TSPAN8: variants seen among roughly 807,000 people sequenced by gnomAD.
The protein encoded by TSPAN8 is tetraspanin-8.
A neutral mutation model predicts 32.8 loss-of-function variants in TSPAN8; 21 were observed. The ratio of observed to expected loss-of-function variants is 0.64; its 90% CI spans 0.45 to 0.92. TSPAN8 has a LOEUF of 0.92. Among genes scored for constraint, TSPAN8 ranks in the 40% least tolerant of loss-of-function variants. The pLI, the probability that TSPAN8 is intolerant of heterozygous loss-of-function variation, is 0.00. For synonymous variants in TSPAN8, 95 were observed against 94.6 expected (o/e 1.00, Z -0.03); for missense variants, 269 against 281.9 (o/e 0.95, Z 0.33).
chr12:71,134,043 T>G (rs541197102), intron 6 of TSPAN8, among the ~76,000 whole-genome samples: 12 of 152,220 alleles, frequency 7.9e-5, no homozygotes, highest in Non-Finnish European at 1.3e-4. Flanking sequence ...TAATAATAAA[T>G]GTGTAATAAA....
At chr12:71,149,926 G>A (rs1271967233) in intron 2 of TSPAN8, among the ~76,000 whole-genome samples, 1 of 152,194 alleles carries the variant, frequency 6.6e-6, no homozygotes, top group African/African-American at 2.4e-5. Flanking sequence ...TTCTTGCAGA[G>A]AGCCTATAAA....
intron 2 of TSPAN8, among the ~76,000 whole-genome samples, chr12:71,153,836 G>T (rs1315145606): frequency 6.6e-6 from 1 of 152,062 alleles, no homozygotes; most frequent in Non-Finnish European, 1.5e-5. Context: ...TATAATTGTT[G>T]CTCTCACTGA....
chr12:71,132,477 A>G (rs529333886), intron 7 of TSPAN8, among the ~76,000 whole-genome samples: 25 of 152,184 alleles, frequency 1.6e-4, no homozygotes, highest in Non-Finnish European at 3.1e-4. Context: ...TCTTTGACCT[A>G]TTAATATTGG....
intron 6 of TSPAN8, among the ~76,000 whole-genome samples, chr12:71,133,244 G>A (rs1228717715): frequency 6.6e-6 from 1 of 151,806 alleles, no homozygotes; most frequent in African/African-American, 2.4e-5. Context: ...GCACCACCAC[G>A]CCCAGCTAAT....
chr12:71,126,000 C>T (rs939421267), intron 8 of TSPAN8, among the ~76,000 whole-genome samples: 1 of 152,112 alleles, frequency 6.6e-6, no homozygotes, highest in Admixed American at 6.6e-5. Flanking sequence ...AAGTAGCTCT[C>T]CCAAGAATGA....
intron 7 of TSPAN8, among the ~76,000 whole-genome samples, chr12:71,131,565 AT>A (rs1207519702): frequency 6.6e-6 from 1 of 151,608 alleles, no homozygotes; most frequent in African/African-American, 2.4e-5. Context: ...ATTAATATTA[AT>A]TCATTGTGAT....
At chr12:71,144,920 T>A (rs1410985817) in intron 2 of TSPAN8, among the ~76,000 whole-genome samples, 1 of 152,170 alleles carries the variant, frequency 6.6e-6, no homozygotes, top group Non-Finnish European at 1.5e-5. Context: ...AAACACATTT[T>A]ACTTTAGTGT....
At chr12:71,142,014 T>A (rs140618881) in intron 3 of TSPAN8, among the ~76,000 whole-genome samples, 341 of 152,348 alleles carry the variant, frequency 2.2e-3, no homozygotes, top group African/African-American at 7.9e-3. Context: ...CAGAAAGTTC[T>A]GTCATTTCCC....
At chr12:71,155,885 C>T (rs1872410436) in intron 2 of TSPAN8, among the ~76,000 whole-genome samples, 1 of 151,930 alleles carries the variant, frequency 6.6e-6, no homozygotes, top group Admixed American at 6.6e-5. Context: ...GGGCGTGCCA[C>T]CATGCCCGGC....
In TSPAN8 at chr12:71,157,856, A is replaced by T. The variant is rs1872497378; in HGVS notation, c.-109-69T>A. Reference sequence around the variant, plus strand: ...AAAAGTTATTAAACTGGATAAAAAAATTAACCCACACATTTAAATATCGCA... The same window carrying T: ...AAAAGTTATTAAACTGGATAAAAAATTTAACCCACACATTTAAATATCGCA... On this transcript the variant is annotated intron_variant, in intron 1 of 8. Coordinates refer to ENST00000247829, the MANE Select transcript of TSPAN8 (RefSeq NM_004616.3). The T allele has an allele frequency of 1.2e-5, 7 of 575,118 alleles. No individual in the cohort carries two copies. The South Asian group carries it at 1.7e-4, about 14-fold the overall frequency. The allele number at this position is 575,118 out of a possible 1,614,324, so 35.6% of individuals were successfully genotyped here. A position where few individuals can be genotyped will look rare whatever the true frequency, so the allele number is the denominator to read the frequency against.
chr12:71,132,868 T>G (rs760185143), intron 6 of TSPAN8, 44 bp from the exon 7 acceptor site: 1 of 1,607,338 alleles, frequency 6.2e-7, no homozygotes, highest in East Asian at 2.2e-5. Flanking sequence ...GTAAGAAGAT[T>G]AAAAACATTG....
At chr12:71,144,116 A>AT in intron 3 of TSPAN8, 35 bp downstream of exon 3, 1 of 1,581,272 alleles carries the variant, frequency 6.3e-7, no homozygotes, top group East Asian at 2.2e-5. Context: ...AATAAACTAC[A>AT]TTGGGGAAAG....
At chr12:71,149,144 C>T (rs1872164845) in intron 2 of TSPAN8, among the ~76,000 whole-genome samples, 2 of 152,216 alleles carry the variant, frequency 1.3e-5, no homozygotes, top group Middle Eastern at 3.4e-3. Flanking sequence ...GCAGGTGGAT[C>T]ACCTAAGGTC....
chr12:71,137,326 C>T (rs1420615594), intron 6 of TSPAN8, among the ~76,000 whole-genome samples: 5 of 151,750 alleles, frequency 3.3e-5, no homozygotes, highest in Admixed American at 6.6e-5. Context: ...AGGCCATGTG[C>T]GGTGGCTCAC....
intron 7 of TSPAN8, 142 bp downstream of exon 7, chr12:71,132,551 T>G: frequency 9.9e-7 from 1 of 1,011,144 alleles, no homozygotes; most frequent in Non-Finnish European, 1.4e-6. Context: ...TAAATAAGGA[T>G]TTTTTTAATT....
rs899060294 is a variant in TSPAN8, at chr12:71,154,209, C to G, written c.60+3410G>C. Among the ~76,000 whole-genome samples the G allele has an allele frequency of 4.0e-5, 6 of 151,788 alleles. No homozygotes were observed. In the South Asian group the frequency reaches 1.2e-3, roughly 32 times the overall value. ...CCTGTAATCCCAGCTACTCGGGAGG[C>G]TGAGGCAGGAGAATCGCTAGAACCT... On this transcript the variant is annotated intron_variant, in intron 2 of 8. Coordinates refer to ENST00000247829, the MANE Select transcript of TSPAN8 (RefSeq NM_004616.3).
At chr12:71,148,369 C>A (rs528366419) in intron 2 of TSPAN8, among the ~76,000 whole-genome samples, 1 of 152,156 alleles carries the variant, frequency 6.6e-6, no homozygotes. Context: ...AGAATATCAC[C>A]AGCCTTATTT....
chr12:71,149,730 C>A (rs28376987), intron 2 of TSPAN8, among the ~76,000 whole-genome samples: 2 of 152,210 alleles, frequency 1.3e-5, no homozygotes, highest in African/African-American at 4.8e-5. Flanking sequence ...TGAGGATGTA[C>A]GTCACCTCAG....
chr12:71,129,951 CTTT>C (rs35715058), intron 7 of TSPAN8, among the ~76,000 whole-genome samples: 6,416 of 140,154 alleles, frequency 0.046, 208 homozygotes, highest in Non-Finnish European at 0.066. Flanking sequence ...TTCTTTCTTT[CTTT>C]TTTTTTTTTT....
Sources: gnomAD v4.1 joint callset for allele counts (sites outside exome capture counted in the v4.1 genomes callset) on GRCh38, gnomAD v4.1.1 for gene constraint, MANE v1.5 for transcripts, NCBI Gene and HGNC (gene_info 2026-07-23, HGNC 2026-07-21) for gene names.